NAV1: variants seen among roughly 807,000 people sequenced by gnomAD.
NAV1 encodes the protein pore membrane and/or filament interacting like protein 3.
In NAV1, 18 loss-of-function variants were observed where a neutral mutation model predicts 175.2. The ratio of observed to expected loss-of-function variants is 0.10; its 90% CI spans 0.07 to 0.15. The LOEUF is 0.15. Ranked by LOEUF, NAV1 falls within the 10% of genes least tolerant of loss-of-function variation. The pLI is 1.00. For missense variants in NAV1, 1,731 were observed against 2,436.6 expected (o/e 0.71, Z 6.10); for synonymous variants, 897 against 978.7 (o/e 0.92, Z 1.56).
chr1:201,706,558 C>T (rs762152273), intron 1 of NAV1, among the ~76,000 whole-genome samples: 2 of 152,186 alleles, frequency 1.3e-5, no homozygotes, highest in Non-Finnish European at 2.9e-5. Context: ...TGTTGTTCCC[C>T]CACCACCACC....
At chr1:201,619,111 G>A (rs1325472819), upstream of NAV1, among the ~76,000 whole-genome samples, 1 of 152,150 alleles carries the variant, frequency 6.6e-6, no homozygotes, top group African/African-American at 2.4e-5. Context: ...GGGAGGGGTA[G>A]GGTTCTTGTG....
At chr1:201,661,495 G>A (rs1176031354) in intron 1 of NAV1, among the ~76,000 whole-genome samples, 2 of 152,174 alleles carry the variant, frequency 1.3e-5, no homozygotes, top group African/African-American at 4.8e-5. Flanking sequence ...AACTAGAATG[G>A]TCTGGAAGAG....
chr1:201,755,940 A>G (rs1344125993), intron 3 of NAV1, among the ~76,000 whole-genome samples: 1 of 152,026 alleles, frequency 6.6e-6, no homozygotes, highest in East Asian at 1.9e-4. Flanking sequence ...CCCCATCTCT[A>G]CTAAAAATAC....
Position 201,810,810 on chromosome 1 carries a change from C to A in NAV1, c.4797+52C>A. 7.0e-7 allele frequency: 1 copy of A among 1,423,512 alleles called. No homozygotes were observed. Among genetic ancestry groups the A allele is most frequent in the Admixed American group, 1.8e-5 (1 of 56,624 alleles). The allele number at this position is 1,423,512 out of a possible 1,614,324, so 88.2% of individuals were successfully genotyped here. A position where few individuals can be genotyped will look rare whatever the true frequency, so the allele number is the denominator to read the frequency against. On this transcript the variant is annotated intron_variant, in intron 24 of 29. Coordinates refer to ENST00000367296, the Ensembl canonical transcript of NAV1. This position sits in a 1 kb window ranked among gnomAD's most constrained non-coding sequence, Gnocchi z 6.0. ...GCCTTTGTTCATGCCTCAGCCTTCC[C>A]TAAGACCCTTCCTCGGCCCCTTCCT...
chr1:201,810,466 C>A lies in NAV1; in HGVS notation c.4562-57C>A. 3 of 1,477,756 alleles carry A rather than the reference C, an allele frequency of 2.0e-6. No individual in the cohort carries two copies. The highest frequency in any genetic ancestry group is 2.8e-6 in the Non-Finnish European group (3 of 1,084,222). 91.5% of individuals were successfully genotyped at this position (1,477,756 alleles called of 1,614,324 possible). A position where few individuals can be genotyped will look rare whatever the true frequency, so the allele number is the denominator to read the frequency against. On this transcript the variant is annotated intron_variant, in intron 23 of 29. Transcript: ENST00000367296. This position sits in a 1 kb window ranked among gnomAD's most constrained non-coding sequence, Gnocchi z 6.0. ...TAAAGAAAGAAAAGCCCTTTAGGAT[C>A]CCTTGCTATCCTCAAGACCCTGGTC...
rs35144347 is a variant in NAV1, at chr1:201,782,861, C to A, written c.2349C>A (p.Thr783=). 3.6e-3 allele frequency: 5,610 copies of A among 1,577,544 alleles called. 17 individuals are homozygous for A. The highest frequency in any genetic ancestry group is 6.0e-3 in the Middle Eastern group (35 of 5,816). The change falls in exon 6 of 30, where the codon ACC becomes ACA. Residue 783 remains threonine, a synonymous_variant. Coordinates refer to ENST00000367296, the Ensembl canonical transcript of NAV1. This position sits in a 1 kb window ranked among gnomAD's most constrained non-coding sequence, Gnocchi z 5.4. ...CCAAGCTGGCAGAGCTGCCACCAAC[C>A]CCTCTCAGGTACCCAATGTGGGCAG...
intron 1 of NAV1, among the ~76,000 whole-genome samples, chr1:201,658,947 C>T (rs997528199): frequency 2.0e-5 from 3 of 152,208 alleles, no homozygotes; most frequent in Non-Finnish European, 2.9e-5. Flanking sequence ...TCTTCATCTT[C>T]CTCTGTTCCT....
chr1:201,753,107 G>A (rs1674235615), intron 3 of NAV1, among the ~76,000 whole-genome samples: 1 of 152,134 alleles, frequency 6.6e-6, no homozygotes, highest in Non-Finnish European at 1.5e-5. Context: ...AGCAAAGAAA[G>A]CTTTGGAAGG....
intron 1 of NAV1, chr1:201,673,320 A>C (rs1670118826): frequency 6.6e-6 from 1 of 152,238 alleles, no homozygotes; most frequent in Non-Finnish European, 1.5e-5. Context: ...CGTGGGAGGC[A>C]CACACTTATC....
chr1:201,795,930 T>C (rs1366723049), intron 15 of NAV1: 1 of 152,010 alleles, frequency 6.6e-6, no homozygotes, highest in African/African-American at 2.4e-5. Context: ...GTATTTTTAG[T>C]AGAGATGGGG....
chr1:201,785,482 T>A, intron 8 of NAV1, 131 bp downstream of exon 12: 5 of 951,366 alleles, frequency 5.3e-6, no homozygotes, highest in Non-Finnish European at 6.5e-6. Context: ...TTGTATGTGG[T>A]CCCATACAAG....
chr1:201,770,351 C>G (rs1002920684), intron 3 of NAV1, among the ~76,000 whole-genome samples: 1 of 152,056 alleles, frequency 6.6e-6, no homozygotes, highest in Non-Finnish European at 1.5e-5. Flanking sequence ...GGTATCAGTG[C>G]TAGGAAGTGG....
chr1:201,782,303 T>C lies in NAV1; in HGVS notation c.1791T>C (p.Ala597=). ...CTAAGAAGCCCCCCTCGGGCATTGC[T>C]CGCCCCTCCACTTCGGGATCCTTTG... Residue 597 remains alanine (A), a synonymous_variant, in exon 6 of 30, where the codon GCT becomes GCC. Coordinates refer to ENST00000367296, the Ensembl canonical transcript of NAV1. This position sits in a 1 kb window ranked among gnomAD's most constrained non-coding sequence, Gnocchi z 5.4. 3 of 1,614,130 alleles carry C rather than the reference T, an allele frequency of 1.9e-6. No individual in the cohort carries two copies. The highest frequency in any genetic ancestry group is 3.3e-5 in the Admixed American group (2 of 60,022).
intron 15 of NAV1, chr1:201,796,538 G>A (rs2102763352): frequency 6.6e-6 from 1 of 152,344 alleles, no homozygotes; most frequent in South Asian, 2.1e-4. Flanking sequence ...ATGTTGGCCA[G>A]GCTAGTCTCG....
At chr1:201,587,839 G>A (rs762491829) in intron 1 of NAV1, among the ~76,000 whole-genome samples, 2 of 152,202 alleles carry the variant, frequency 1.3e-5, no homozygotes, top group Middle Eastern at 3.4e-3. Flanking sequence ...TAATCATCAG[G>A]AAAAATGCAA....
chr1:201,785,250 T>G, intron 7 of NAV1, 60 bp from the exon 12 acceptor site: 1 of 1,579,326 alleles, frequency 6.3e-7, no homozygotes, highest in Admixed American at 1.8e-5. Flanking sequence ...CTCTAGTTCC[T>G]AAGATGGACC....
chr1:201,624,195 G>C (rs370023501), intron 1 of NAV1, among the ~76,000 whole-genome samples: 37 of 152,256 alleles, frequency 2.4e-4, no homozygotes, highest in African/African-American at 8.2e-4. Context: ...TAATGCTTTA[G>C]ACAGACAGGT....
intron 2 of NAV1, among the ~76,000 whole-genome samples, chr1:201,601,492 T>C (rs1385737311): frequency 1.3e-5 from 2 of 152,088 alleles, no homozygotes; most frequent in Non-Finnish European, 2.9e-5. Context: ...AAAAAAAATA[T>C]TCTAACCTCC....
In NAV1 at chr1:201,599,697, G is replaced by A. The variant is rs1032518981; in HGVS notation, c.-33+11048G>A. Reference sequence around the variant, plus strand: ...GGAACCATCAGGCAGGCTTCCGAGCGCCTGCTCTGATTCTCTTCAGCGCCA... The same window carrying A: ...GGAACCATCAGGCAGGCTTCCGAGCACCTGCTCTGATTCTCTTCAGCGCCA... On this transcript the variant is annotated intron_variant, in intron 2 of 33. Coordinates refer to the NAV1 transcript ENST00000685211. 4.6e-5 allele frequency among the ~76,000 whole-genome samples: 7 copies of A among 152,152 alleles called. No homozygotes were observed. The South Asian group carries it at 6.2e-4, about 14-fold the overall frequency.
Sources: gnomAD v4.1 joint callset for allele counts (sites outside exome capture counted in the v4.1 genomes callset) on GRCh38, gnomAD v4.1.1 for gene constraint, Gnocchi (gnomAD v3.1) non-coding constraint, MANE v1.5 for transcripts, NCBI Gene and HGNC (gene_info 2026-07-23, HGNC 2026-07-21) for gene names.